Variants in WASF3 observed in about 807,000 individuals in gnomAD.
WASF3 encodes the protein WASP family member 3, also known as actin-binding protein WASF3.
Under a neutral mutation model 46.6 loss-of-function variants are expected in WASF3, and 11 were observed. The ratio of observed to expected loss-of-function variants is 0.24; its 90% CI spans 0.15 to 0.39. The LOEUF (loss-of-function observed/expected upper bound fraction) is 0.39. Ranked by LOEUF, WASF3 falls within the 10% of genes least tolerant of loss-of-function variation. The probability of loss-of-function intolerance (pLI) is 1.00; values close to 1 mark genes in which losing one functional copy is unlikely to be tolerated. For missense variants in WASF3, 576 were observed against 669.8 expected, an observed-to-expected ratio of 0.86 and a Z score of 1.55; for synonymous variants, 242 against 259.7, an observed-to-expected ratio of 0.93 and a Z score of 0.65.
At chr13:26,671,820 A>G (rs952820636) in intron 5 of WASF3, 52 bp from the exon 6 acceptor site, 2 of 1,288,410 alleles carry the variant, frequency 1.6e-6, no homozygotes, top group African/African-American at 3.0e-5. Context: ...ACCTACATAT[A>G]AAAGTCTCTA....
chr13:26,674,076 GGATT>G (rs1882995814), intron 6 of WASF3, among the ~76,000 whole-genome samples: 1 of 152,148 alleles, frequency 6.6e-6, no homozygotes, highest in Non-Finnish European at 1.5e-5. Context: ...CAGCTTCTAA[GGATT>G]TTAATGTAGG....
intron 7 of WASF3, among the ~76,000 whole-genome samples, chr13:26,678,859 C>G (rs1883142240): frequency 6.6e-6 from 1 of 151,428 alleles, no homozygotes; most frequent in Admixed American, 6.6e-5. Context: ...CCTGTCTACC[C>G]AAAAAACCCT....
intron 7 of WASF3, among the ~76,000 whole-genome samples, chr13:26,678,524 G>T (rs777750693): frequency 6.6e-6 from 1 of 151,040 alleles, no homozygotes; most frequent in South Asian, 2.1e-4. Flanking sequence ...GTATTATTTC[G>T]CAACATGATT....
At chr13:26,675,650 C>CTCTGTGTGTGTGTGTGTGTG (rs1555255547) in intron 6 of WASF3, among the ~76,000 whole-genome samples, 1 of 146,980 alleles carries the variant, frequency 6.8e-6, no homozygotes, top group Non-Finnish European at 1.5e-5. Flanking sequence ...GATGCCATGT[C>CTCTGTGTGTGTGTGTGTGTG]TGTGTGTGTG....
chr13:26,681,344 T>G, intron 8 of WASF3, 24 bp downstream of exon 8: 1 of 1,540,574 alleles, frequency 6.5e-7, no homozygotes, highest in Non-Finnish European at 8.7e-7. Context: ...CCTTGTACCC[T>G]AATCCCTCCT....
intron 3 of WASF3, among the ~76,000 whole-genome samples, chr13:26,647,163 A>G (rs1475803017): frequency 6.6e-6 from 1 of 152,206 alleles, no homozygotes. Flanking sequence ...TAACAGTCAT[A>G]GAAATGAAAG....
intron 3 of WASF3, among the ~76,000 whole-genome samples, chr13:26,649,946 C>T (rs987311227): frequency 6.6e-6 from 1 of 152,074 alleles, no homozygotes; most frequent in Non-Finnish European, 1.5e-5. Context: ...TGGTGGGCAC[C>T]TATAATCCCA....
At chr13:26,628,835 A>G (rs1881560371) in intron 2 of WASF3, among the ~76,000 whole-genome samples, 1 of 152,208 alleles carries the variant, frequency 6.6e-6, no homozygotes, top group African/African-American at 2.4e-5. Flanking sequence ...ATCATTAAGT[A>G]GGGCTTTTCT....
chr13:26,639,146 T>C (rs147456651), intron 2 of WASF3, among the ~76,000 whole-genome samples: 2,329 of 152,308 alleles, frequency 0.015, 22 homozygotes, highest in Non-Finnish European at 0.023. Context: ...TGACACTGAA[T>C]TTGAAAACCA....
At chr13:26,634,837 G>A (rs1881768598) in intron 2 of WASF3, among the ~76,000 whole-genome samples, 1 of 152,190 alleles carries the variant, frequency 6.6e-6, no homozygotes, top group African/African-American at 2.4e-5. Context: ...TGGCTTGTAA[G>A]GTTTCTGTCC....
chr13:26,563,375 C>A (rs887646668), intron 1 of WASF3, among the ~76,000 whole-genome samples: 1 of 151,880 alleles, frequency 6.6e-6, no homozygotes, highest in Admixed American at 6.6e-5. Flanking sequence ...ATAATTTTTC[C>A]GCACTAATGC....
intron 6 of WASF3, 84 bp from the exon 7 acceptor site, chr13:26,676,465 C>T: frequency 1.4e-6 from 2 of 1,451,960 alleles, no homozygotes; most frequent in African/African-American, 2.8e-5. Flanking sequence ...CAGGCATGGG[C>T]CTTGTGCATT....
chr13:26,598,651 A>T (rs926072067), intron 1 of WASF3, among the ~76,000 whole-genome samples: 2 of 152,104 alleles, frequency 1.3e-5, no homozygotes, highest in Non-Finnish European at 1.5e-5. Flanking sequence ...TGGGATCACG[A>T]GTTTGTTTTC....
intron 1 of WASF3, among the ~76,000 whole-genome samples, chr13:26,574,571 G>A (rs1470108579): frequency 2.0e-5 from 3 of 151,666 alleles, no homozygotes; most frequent in East Asian, 1.9e-4. Flanking sequence ...ATACAGCATA[G>A]TCTTTGCTTT....
At chr13:26,647,343 G>A (rs12863436) in intron 3 of WASF3, among the ~76,000 whole-genome samples, 68,245 of 151,908 alleles carry the variant, frequency 0.45, 16,547 homozygotes, top group Non-Finnish European at 0.55. Flanking sequence ...GAGGATAGCC[G>A]CTTGGCAAAC....
chr13:26,684,748 A>AG (rs1412017623), intron 9 of WASF3, among the ~76,000 whole-genome samples: 1 of 152,154 alleles, frequency 6.6e-6, no homozygotes, highest in Non-Finnish European at 1.5e-5. Context: ...TAAAGATGAT[A>AG]GGGGAAGATT....
chr13:26,680,920 G>C, intron 7 of WASF3, 134 bp from the exon 8 acceptor site: 1 of 1,132,208 alleles, frequency 8.8e-7, no homozygotes, highest in Non-Finnish European at 1.3e-6. Flanking sequence ...GCTATACCTA[G>C]TTGATAGTAA....
At chr13:26,629,646 A>T (rs77498258) in intron 2 of WASF3, among the ~76,000 whole-genome samples, 100 of 152,024 alleles carry the variant, frequency 6.6e-4, no homozygotes, top group African/African-American at 2.3e-3. Context: ...CACACAGGGG[A>T]GGGGCACTAC....
chr13:26,623,960 T>A (rs945499080), intron 2 of WASF3, among the ~76,000 whole-genome samples: 2 of 152,230 alleles, frequency 1.3e-5, no homozygotes, highest in Admixed American at 6.5e-5. Flanking sequence ...AAACCCTGAC[T>A]AGGTTGACTC....
Sources: gnomAD v4.1 joint callset for allele counts (sites outside exome capture counted in the v4.1 genomes callset) on GRCh38, gnomAD v4.1.1 for gene constraint, MANE v1.5 for transcripts, NCBI Gene and HGNC (gene_info 2026-07-23, HGNC 2026-07-21) for gene names.